Variants in BACH2 observed in about 807,000 individuals in gnomAD.
BACH2 encodes transcription regulator protein BACH2.
BACH2 carries 5 observed loss-of-function variants against 61.8 expected under a neutral mutation model. The ratio of observed to expected loss-of-function variants is 0.08; its 90% CI spans 0.04 to 0.17. The LOEUF (loss-of-function observed/expected upper bound fraction) is 0.17. BACH2 is among the 10% of genes least tolerant of loss of function. The pLI, the probability that BACH2 is intolerant of heterozygous loss-of-function variation, is 1.00. For missense variants in BACH2, 824 were observed against 1,091.1 expected (o/e 0.76, Z 3.45); for synonymous variants, 446 against 440.1 (o/e 1.01, Z -0.17).
chr6:90,066,638 G>C (rs2127800300), intron 5 of BACH2, among the ~76,000 whole-genome samples: 1 of 152,296 alleles, frequency 6.6e-6, no homozygotes, highest in African/African-American at 2.4e-5. Flanking sequence ...AAAGAAAAGA[G>C]AGACATCTCA....
chr6:90,132,394 T>G (rs1332969836), intron 4 of BACH2, among the ~76,000 whole-genome samples: 6 of 152,158 alleles, frequency 3.9e-5, no homozygotes, highest in Admixed American at 2.6e-4. Flanking sequence ...CAGCCACCCC[T>G]CCCACCTTCC....
chr6:90,169,668 C>T (rs957335130), intron 4 of BACH2, among the ~76,000 whole-genome samples: 1 of 152,210 alleles, frequency 6.6e-6, no homozygotes, highest in African/African-American at 2.4e-5. Flanking sequence ...CCTTTTAAAA[C>T]AGTGCCTGCT....
chr6:90,294,312 T>A (rs956819050), intron 1 of BACH2, among the ~76,000 whole-genome samples: 1 of 151,628 alleles, frequency 6.6e-6, no homozygotes, highest in African/African-American at 2.4e-5. Flanking sequence ...TCTGCACCAA[T>A]AAAGTTATGT....
At chr6:90,076,294 C>CAAAAAG (rs1781468647) in intron 5 of BACH2, among the ~76,000 whole-genome samples, 1 of 152,006 alleles carries the variant, frequency 6.6e-6, no homozygotes, top group Non-Finnish European at 1.5e-5. Context: ...CAGATTCTCA[C>CAAAAAG]AAAAAGAAAA....
At chr6:90,192,772 T>TA (rs1488431483) in intron 4 of BACH2, among the ~76,000 whole-genome samples, 1 of 152,218 alleles carries the variant, frequency 6.6e-6, no homozygotes, top group Non-Finnish European at 1.5e-5. Context: ...GAGAATATAT[T>TA]AGATTCTTAA....
chr6:90,142,393 A>G (rs1784489509), intron 4 of BACH2, among the ~76,000 whole-genome samples: 1 of 152,240 alleles, frequency 6.6e-6, no homozygotes, highest in Non-Finnish European at 1.5e-5. Flanking sequence ...ATGGGGTCAC[A>G]TCTTTAGCTA....
intron 5 of BACH2, among the ~76,000 whole-genome samples, chr6:90,018,344 T>C (rs1778178796): frequency 6.6e-6 from 1 of 152,242 alleles, no homozygotes; most frequent in African/African-American, 2.4e-5. Context: ...GTGCTGTCTC[T>C]TCAACTGAAG....
In BACH2 at chr6:89,950,164, A is replaced by C; in HGVS notation, c.1836+106T>G. The C allele has an allele frequency of 3.0e-6, 4 of 1,333,758 alleles. No homozygotes were observed. Among genetic ancestry groups the C allele is most frequent in the Non-Finnish European group, 4.3e-6 (4 of 929,592 alleles). 82.6% of individuals were successfully genotyped at this position (1,333,758 alleles called of 1,614,324 possible). ...AGGCAGTCTCTCTACTGTCATCTTT[A>C]ATCTTAGCACGTAAGAACAATGTGG... is the stretch of plus-strand genomic sequence containing the variant. On this transcript the variant is annotated intron_variant, in intron 7 of 8. Coordinates refer to ENST00000257749, the MANE Select transcript of BACH2 (RefSeq NM_021813.4). This position sits in a 1 kb window ranked among gnomAD's most constrained non-coding sequence, Gnocchi z 5.3.
chr6:90,091,085 C>CT (rs1782140345), intron 4 of BACH2, among the ~76,000 whole-genome samples: 2 of 152,132 alleles, frequency 1.3e-5, no homozygotes, highest in South Asian at 4.1e-4. Context: ...ATTGGTCCTC[C>CT]TTATTCCCCA....
At chr6:90,039,785 G>A (rs1234439976) in intron 5 of BACH2, among the ~76,000 whole-genome samples, 1 of 152,136 alleles carries the variant, frequency 6.6e-6, no homozygotes, top group Non-Finnish European at 1.5e-5. Context: ...GTAAAAAACA[G>A]CGTTTAATTA....
rs62408180 is a variant in BACH2, at chr6:89,974,647, C to T, written c.244-22785G>A. On this transcript the variant is annotated intron_variant, in intron 6 of 8. Transcript: ENST00000257749. ...AGTCAAAGTTGATACGTAAAAATTA[C>T]TGTCCCATTAGCACCTTCTGGCCTC... Among the ~76,000 whole-genome samples, 1,111 of 152,288 alleles carry T rather than the reference C, an allele frequency of 7.3e-3. 6 individuals are homozygous for T. The highest frequency in any genetic ancestry group is 0.014 in the Admixed American group (210 of 15,298).
At chr6:90,146,519 G>A (rs189247660) in intron 4 of BACH2, among the ~76,000 whole-genome samples, 70 of 152,250 alleles carry the variant, frequency 4.6e-4, no homozygotes, top group Non-Finnish European at 8.5e-4. Context: ...TGTCTGAAAT[G>A]GCTGTAACTA....
intron 4 of BACH2, among the ~76,000 whole-genome samples, chr6:90,179,549 T>C (rs1478457636): frequency 6.6e-6 from 1 of 152,186 alleles, no homozygotes; most frequent in African/African-American, 2.4e-5. Context: ...GGCTTAGTTC[T>C]GGACTGGAGT....
At chr6:89,995,171 T>C (rs1377154006) in intron 6 of BACH2, among the ~76,000 whole-genome samples, 1 of 152,248 alleles carries the variant, frequency 6.6e-6, no homozygotes, top group Non-Finnish European at 1.5e-5. Flanking sequence ...AGTCCATTTT[T>C]ATGTCACTGA....
intron 4 of BACH2, among the ~76,000 whole-genome samples, chr6:90,135,641 G>A (rs1223100195): frequency 6.6e-6 from 1 of 152,122 alleles, no homozygotes; most frequent in African/African-American, 2.4e-5. Flanking sequence ...TGGAGCCCAG[G>A]AGGTTGAGGC....
chr6:90,212,775 T>C (rs1275570796), intron 3 of BACH2, among the ~76,000 whole-genome samples: 2 of 152,250 alleles, frequency 1.3e-5, no homozygotes, highest in Non-Finnish European at 2.9e-5. Flanking sequence ...TTATAAATTA[T>C]AAAAGAGAGA....
chr6:89,932,869 A>C lies in BACH2; in HGVS notation c.2065T>G (p.Leu689Val). 4 of 1,597,684 alleles carry C rather than the reference A, an allele frequency of 2.5e-6. No individual in the cohort carries two copies. The highest frequency in any genetic ancestry group is 3.4e-6 in the Non-Finnish European group (4 of 1,167,732). The change falls in exon 9 of 9, where the codon TTG becomes GTG. Residue 689 changes from leucine to valine, a missense_variant. Coordinates refer to ENST00000257749, the MANE Select transcript of BACH2 (RefSeq NM_021813.4). ...RKLVCEKEKLLSERNQLKACM... is the reference protein window; with the variant it reads ...RKLVCEKEKLVSERNQLKACM... ...GCTTTCAGTTGATTCCTCTCTGACA[A>C]CAGTTTCTCTTTCTCACACACCTGG...
chr6:90,179,668 T>C (rs1219240176), intron 4 of BACH2, among the ~76,000 whole-genome samples: 1 of 152,216 alleles, frequency 6.6e-6, no homozygotes, highest in East Asian at 1.9e-4. Flanking sequence ...TCAAAGGTTA[T>C]TGTGGGCATC....
intron 4 of BACH2, among the ~76,000 whole-genome samples, chr6:90,189,593 C>T (rs1419899645): frequency 8.5e-6 from 1 of 117,202 alleles, no homozygotes; most frequent in Non-Finnish European, 1.6e-5. Context: ...CCGGCCTGGG[C>T]GACAGAGCGA....
Sources: allele counts gnomAD v4.1 joint callset (sites outside exome capture counted in the v4.1 genomes callset), GRCh38; gene constraint gnomAD v4.1.1; non-coding constraint Gnocchi (gnomAD v3.1); transcripts MANE v1.5; gene names NCBI Gene and HGNC (gene_info 2026-07-23, HGNC 2026-07-21).